The following SCRIB variants were observed in gnomAD, a reference collection of about 807,000 sequenced individuals.
SCRIB encodes scribble planar cell polarity protein, also known as protein scribble homolog.
In SCRIB, 72 loss-of-function variants were observed where a neutral mutation model predicts 170.0. The ratio of observed to expected loss-of-function variants is 0.42; its 90% CI spans 0.35 to 0.52. The LOEUF is 0.52. SCRIB is among the 20% of genes least tolerant of loss of function. The probability of loss-of-function intolerance (pLI) is 0.02; values close to 1 mark genes in which losing one functional copy is unlikely to be tolerated. For synonymous variants in SCRIB, 1,298 were observed against 1,044.3 expected, an observed-to-expected ratio of 1.24 and a Z score of -4.68; for missense variants, 2,475 against 2,338.5, an observed-to-expected ratio of 1.06 and a Z score of -1.20.
Position 143,813,020 on chromosome 8 carries a change from CCT to C in SCRIB, c.642+8_642+9del, listed in dbSNP as rs1563808040. ...GCACGAAGCAGGGGGCCAGCCCCAC[CCT>C]GACTCACCGGGGGCAGTGCTGACAG... is the stretch of plus-strand genomic sequence containing the variant. On this transcript the variant is annotated splice_region_variant and intron_variant, in intron 7 of 36. Transcript: ENST00000356994. The C allele has an allele frequency of 6.2e-7, 1 of 1,605,310 alleles. No individual in the cohort carries two copies. The highest frequency in any genetic ancestry group is 8.5e-7 in the Non-Finnish European group (1 of 1,176,924).
chr8:143,802,993 C>A (rs1048156152), intron 24 of SCRIB, among the ~76,000 whole-genome samples: 6 of 152,208 alleles, frequency 3.9e-5, no homozygotes, highest in Non-Finnish European at 8.8e-5. Flanking sequence ...CATCCCAAGG[C>A]GTCTGCCTGG....
rs917692204 is a variant in SCRIB at position 143,809,781 on chromosome 8, A to G, written c.1531-63T>C. 79 of 1,565,470 alleles carry G rather than the reference A, an allele frequency of 5.0e-5. No individual in the cohort carries two copies. In the African/African-American group the frequency reaches 1.0e-3, roughly 20 times the overall value. On this transcript the variant is annotated intron_variant, in intron 13 of 36. Coordinates refer to ENST00000356994, the MANE Select transcript of SCRIB (RefSeq NM_182706.5). Reference sequence around the variant, plus strand: ...CCGACTCACAGGCTGGCCACCTGGGATGCCCCCCACGTGGCAGGCCTTCCC... The same window carrying G: ...CCGACTCACAGGCTGGCCACCTGGGGTGCCCCCCACGTGGCAGGCCTTCCC...
chr8:143,809,137 A>G (rs1243165210), intron 14 of SCRIB, 112 bp from the exon 15 acceptor site: 5 of 1,389,788 alleles, frequency 3.6e-6, no homozygotes, highest in African/African-American at 1.4e-5. Flanking sequence ...CCCGCCACAC[A>G]AAGACTCAGC....
intron 18 of SCRIB, 104 bp downstream of exon 18, chr8:143,806,303 C>T (rs1554636528): frequency 8.9e-6 from 8 of 898,768 alleles, no homozygotes; most frequent in Non-Finnish European, 1.8e-6. Context: ...GTGCTTGGAA[C>T]TCTTGGGGAG....
chr8:143,794,151 CGGGGGCCTGG>C, intron 27 of SCRIB, 189 bp from the exon 28 acceptor site: 3 of 587,424 alleles, frequency 5.1e-6, no homozygotes, highest in Non-Finnish European at 9.1e-6. Context: ...CCACAGGATG[CGGGGGCCTGG>C]GCTGGGCAGC....
rs1333352190 is a variant in SCRIB at position 143,812,354 on chromosome 8, A to G, written c.818T>C (p.Val273Ala). The change falls in exon 9 of 37, where the codon GTA becomes GCA. Residue 273 changes from valine to alanine, a missense_variant. Val to Ala is a moderately conservative substitution (Grantham distance 64). This residue lies in a region of SCRIB where 487 missense variants were observed against 558.1 expected (regional missense o/e 0.87). Coordinates refer to ENST00000356994, the MANE Select transcript of SCRIB (RefSeq NM_182706.5). ...CACCTCGCACAGCCGATTCTGGTCT[A>G]CCTTTAGGATGGATAGCTGCTTCAG... ...GQLKQLSILK[V>A]DQNRLCEVTE... The G allele has an allele frequency of 1.9e-6, 3 of 1,613,528 alleles. No homozygotes were observed. The highest frequency in any genetic ancestry group is 2.7e-5 in the African/African-American group (2 of 74,888).
rs763967231 is a variant in SCRIB at position 143,812,973 on chromosome 8, CAG to C, written c.643-14_643-13del. 2.2e-5 allele frequency: 36 copies of C among 1,612,336 alleles called. No homozygotes were observed. Among genetic ancestry groups the C allele is most frequent in the South Asian group, 1.3e-4 (12 of 90,998 alleles). ...AGGTTCCCGAGCTCCTGCAGGTGGG[CAG>C]AGAGTCAGAGCGCGGATGGGCACGA... On this transcript the variant is annotated splice_polypyrimidine_tract_variant and intron_variant, in intron 7 of 36. Transcript: ENST00000356994.
At chr8:143,802,728 CCT>C (rs1284007481) in intron 24 of SCRIB, among the ~76,000 whole-genome samples, 1 of 152,248 alleles carries the variant, frequency 6.6e-6, no homozygotes, top group Non-Finnish European at 1.5e-5. Flanking sequence ...ATGGGAGCCC[CCT>C]GAGACAGGCC....
Position 143,792,544 on chromosome 8 carries a change from C to T in SCRIB, c.4269G>A (p.Leu1423=), listed in dbSNP as rs1814744956. 6.4e-7 allele frequency: 1 copy of T among 1,560,284 alleles called. No homozygotes were observed. Among genetic ancestry groups the T allele is most frequent in the East Asian group, 2.3e-5 (1 of 42,838 alleles). ...EARLALDGET[L]GEEEQEDEQP... ...GCTCATCCTCCTGTTCCTCCTCGCCCAGCGTCTCCCCGTCCAGGGCGAGCC... is the reference window on the plus strand; with the variant it reads ...GCTCATCCTCCTGTTCCTCCTCGCCTAGCGTCTCCCCGTCCAGGGCGAGCC... Residue 1423 remains leucine, a synonymous_variant, in exon 31 of 37, where the codon CTG becomes CTA. Transcript: ENST00000356994.
Position 143,803,655 on chromosome 8 carries a change from T to A in SCRIB, c.3406A>T (p.Ile1136Phe). 6.4e-7 allele frequency: 1 copy of A among 1,555,678 alleles called. No individual in the cohort carries two copies. The highest frequency in any genetic ancestry group is 8.7e-7 in the Non-Finnish European group (1 of 1,155,862). Residue 1136 changes from isoleucine (I) to phenylalanine (F), a missense_variant, in exon 23 of 37, where the codon ATC becomes TTC. Coordinates refer to ENST00000356994, the MANE Select transcript of SCRIB (RefSeq NM_182706.5). Reference sequence around the variant, plus strand: ...GGGTGGGGGGGGCTCACCTTGGAGATGAAGATGCCCTCGTCTGTGGGGTCG... The same window carrying A: ...GGGTGGGGGGGGCTCACCTTGGAGAAGAAGATGCCCTCGTCTGTGGGGTCG... ...PRDPTDEGIF[I>F]SKVSPTGAAG... is the part of the protein sequence containing the mutation.
At position 143,804,984 on chromosome 8, in the gene SCRIB, C is replaced by A; in HGVS notation, c.2701G>T (p.Gly901Cys). 6.3e-7 allele frequency: 1 copy of A among 1,585,498 alleles called. No homozygotes were observed. Among genetic ancestry groups the A allele is most frequent in the East Asian group, 2.3e-5 (1 of 44,012 alleles). ...AGTGTGCCCGCGCGGTGAGCAGCAC[C>A]GCCCTCGGCAATGCGGGAGACGAAG... is the stretch of plus-strand genomic sequence containing the variant. ...GIFVSRIAEG[G>C]AAHRAGTLQV... The change falls in exon 20 of 37, where the codon GGT (glycine) becomes TGT (cysteine). Residue 901 changes from glycine to cysteine, a missense_variant. Gly to Cys is a radical substitution (Grantham distance 159). This residue lies in a region of SCRIB where 1,966 missense variants were observed against 1,742.9 expected (regional missense o/e 1.13). Coordinates refer to ENST00000356994, the MANE Select transcript of SCRIB (RefSeq NM_182706.5).
chr8:143,803,054 A>G (rs909704715), intron 24 of SCRIB, among the ~76,000 whole-genome samples: 1 of 151,984 alleles, frequency 6.6e-6, no homozygotes, highest in African/African-American at 2.4e-5. Flanking sequence ...GCCTGATGGG[A>G]CTCTGCAGGA....
chr8:143,806,638 T>C (rs1336133513), intron 17 of SCRIB, among the ~76,000 whole-genome samples, 154 bp from the exon 18 acceptor site: 1 of 152,062 alleles, frequency 6.6e-6, no homozygotes, highest in Non-Finnish European at 1.5e-5. Flanking sequence ...GGATCCTGAG[T>C]GCCAGGGGGT....
At chr8:143,812,126 GACAAGA>G (rs1328366671) in intron 9 of SCRIB, 134 bp downstream of exon 9, 1 of 728,568 alleles carries the variant, frequency 1.4e-6, no homozygotes, top group Admixed American at 1.8e-5. Flanking sequence ...CTCCCCCTCT[GACAAGA>G]GAAGAGCCCT....
intron 24 of SCRIB, 34 bp downstream of exon 24, chr8:143,803,349 A>C (rs782800068): frequency 4.0e-6 from 6 of 1,513,856 alleles, no homozygotes; most frequent in Non-Finnish European, 5.3e-6. Flanking sequence ...GCTGGGCCAG[A>C]GGGAGGCCCG....
At position 143,791,961 on chromosome 8, in the gene SCRIB, G is replaced by A. The variant is rs1479154443; in HGVS notation, c.4657+30C>T. 8.1e-6 allele frequency: 12 copies of A among 1,472,748 alleles called. No homozygotes were observed. In the Admixed American group the frequency reaches 2.8e-4, roughly 34 times the overall value. 91.2% of individuals were successfully genotyped at this position (1,472,748 alleles called of 1,614,324 possible). ...TTGGAAGCAGCCCATGCGGCAGGCT[G>A]ACCCCCCCGACCTGCCCTGACCCAC... On this transcript the variant is annotated intron_variant, in intron 33 of 36. Transcript: ENST00000356994.
At position 143,803,380 on chromosome 8, in the gene SCRIB, A is replaced by G; in HGVS notation, c.3603+3T>C. On this transcript the variant is annotated splice_donor_region_variant and intron_variant, in intron 24 of 36. Coordinates refer to ENST00000356994, the MANE Select transcript of SCRIB (RefSeq NM_182706.5). The stretch of plus-strand genomic sequence containing the variant: ...GCCCGGTCCCCGGGGCGGGATCGCT[A>G]ACCTCCAGGGCTGCGTCGGTGCTGG... 6.4e-7 allele frequency: 1 copy of G among 1,561,548 alleles called. No individual in the cohort carries two copies. The highest frequency in any genetic ancestry group is 8.7e-7 in the Non-Finnish European group (1 of 1,154,066).
rs113999117 is a variant in SCRIB at position 143,811,361 on chromosome 8, A to G, written c.907-16T>C. The G allele has an allele frequency of 3.7e-3, 5,997 of 1,607,656 alleles. 196 individuals are homozygous for G. The African/African-American group carries it at 0.067, about 18-fold the overall frequency. ...GGGGCAGGGCCTGGCCAAGAAGAGG[A>G]GGTCAGAGGACGCTAGGGGCTTGCT... is the stretch of plus-strand genomic sequence containing the variant. On this transcript the variant is annotated splice_polypyrimidine_tract_variant and intron_variant, in intron 9 of 36. Coordinates refer to ENST00000356994, the MANE Select transcript of SCRIB (RefSeq NM_182706.5).
Position 143,803,800 on chromosome 8 carries a change from C to T in SCRIB, c.3261G>A (p.Leu1087=). Residue 1087 remains leucine (L), a synonymous_variant, in exon 23 of 37, where the codon CTG becomes CTA. Transcript: ENST00000356994. ...ALLRPCLELS[L]LVRRDPAPPG... ...GGGGTGCCGGGTCCCTCCGCACCAG[C>T]AGCGACAGCTCCAGGCAGGGCCGGA... The T allele has an allele frequency of 1.9e-6, 3 of 1,603,980 alleles. No individual in the cohort carries two copies. In the South Asian group the frequency reaches 3.3e-5, roughly 18 times the overall value.
Sources: allele counts gnomAD v4.1 joint callset (sites outside exome capture counted in the v4.1 genomes callset), GRCh38; gene constraint gnomAD v4.1.1; regional missense constraint gnomAD v4.1.1; transcripts MANE v1.5; gene names NCBI Gene and HGNC (gene_info 2026-07-23, HGNC 2026-07-21).